Variants in PCSK5 observed in about 807,000 individuals in gnomAD.
PCSK5 encodes the protein prohormone convertase 5.
PCSK5 carries 129 observed loss-of-function variants against 233.2 expected under a neutral mutation model. That is an observed-to-expected ratio of 0.55 (90% confidence interval 0.48 to 0.64). The LOEUF (loss-of-function observed/expected upper bound fraction) is 0.64, where lower values mean the gene tolerates loss of function less well. Ranked by LOEUF, PCSK5 falls within the 30% of genes least tolerant of loss-of-function variation. The pLI, the probability that PCSK5 is intolerant of heterozygous loss-of-function variation, is 0.00. For missense variants in PCSK5, 2,076 were observed against 2,430.1 expected (o/e 0.85, Z 3.06); for synonymous variants, 825 against 879.2 (o/e 0.94, Z 1.09).
chr9:76,180,936 T>A (rs1283156697), intron 15 of PCSK5, among the ~76,000 whole-genome samples: 1 of 151,924 alleles, frequency 6.6e-6, no homozygotes, highest in Admixed American at 6.6e-5. Flanking sequence ...AACATAAATT[T>A]AAATATATTT....
At chr9:76,268,533 T>G (rs144838678) in intron 24 of PCSK5, among the ~76,000 whole-genome samples, 2 of 152,322 alleles carry the variant, frequency 1.3e-5, no homozygotes, top group East Asian at 3.9e-4. Context: ...AACTAGAAGA[T>G]ACAGTTTTAA....
rs181801516 is a variant in PCSK5, at chr9:76,249,407, A to C, written c.3142+8723A>C. On this transcript the variant is annotated intron_variant, in intron 24 of 37. Transcript: ENST00000674117. ...AAAGAAAATTCAATATTAGGGGAAA[A>C]GTGAAAATTAGGGAATTAAAAAAAT... Among the ~76,000 whole-genome samples the C allele has an allele frequency of 8.2e-3, 1,255 of 152,340 alleles. 49 individuals are homozygous for C. In the South Asian group the frequency reaches 0.12, roughly 15 times the overall value.
chr9:76,230,334 T>C (rs1417245469), intron 21 of PCSK5, among the ~76,000 whole-genome samples: 1 of 152,246 alleles, frequency 6.6e-6, no homozygotes, highest in Non-Finnish European at 1.5e-5. Context: ...GTTTAAAGCA[T>C]AATTATGTGA....
intron 7 of PCSK5, among the ~76,000 whole-genome samples, chr9:76,090,863 C>G (rs897652664): frequency 2.0e-5 from 3 of 152,114 alleles, no homozygotes; most frequent in African/African-American, 7.2e-5. Flanking sequence ...TGTTTTCCTG[C>G]AGCTAAATGG....
chr9:76,296,018 G>A (rs58014024), intron 26 of PCSK5, among the ~76,000 whole-genome samples: 3,158 of 152,324 alleles, frequency 0.021, 96 homozygotes, highest in African/African-American at 0.069. Context: ...CAAGGATTCT[G>A]TATTCGATGC....
chr9:76,226,969 T>A (rs984746005), intron 20 of PCSK5, among the ~76,000 whole-genome samples: 37 of 152,354 alleles, frequency 2.4e-4, no homozygotes, highest in African/African-American at 8.9e-4. Context: ...TCTTCACTAT[T>A]ACTCTTTCAG....
In PCSK5 at chr9:76,338,367, G is replaced by A. The variant is rs369873963; in HGVS notation, c.4886G>A (p.Arg1629His). ...CTCCGCTCCAAAGGAGAGTGTCATC[G>A]CTCCTGCCCAGACCATTACTATGTA... ...FLLRSKGECH[R>H]SCPDHYYVEQ... Residue 1629 changes from arginine (R) to histidine (H), a missense_variant, in exon 35 of 38, where the codon CGC (arginine) becomes CAC (histidine). Arg to His is a conservative substitution (Grantham distance 29). Around this residue, in one of 6 missense-constraint regions of PCSK5, gnomAD observed 1,510 missense variants for 1,538.1 expected, o/e 0.98. Coordinates refer to ENST00000674117, the MANE Select transcript of PCSK5 (RefSeq NM_001372043.1). 1.2e-5 allele frequency: 19 copies of A among 1,612,396 alleles called. No homozygotes were observed. Among genetic ancestry groups the A allele is most frequent in the South Asian group, 7.7e-5 (7 of 91,050 alleles).
intron 20 of PCSK5, among the ~76,000 whole-genome samples, chr9:76,222,928 C>G (rs73460354): frequency 1.3e-5 from 2 of 152,148 alleles, no homozygotes; most frequent in Non-Finnish European, 2.9e-5. Context: ...TACATGTTGG[C>G]ATCCTTGCAA....
At chr9:76,144,855 T>G (rs1030579886) in intron 10 of PCSK5, among the ~76,000 whole-genome samples, 4 of 151,810 alleles carry the variant, frequency 2.6e-5, no homozygotes, top group African/African-American at 9.7e-5. Context: ...TGGCCAGGAG[T>G]GGTGGCTTAT....
At chr9:76,219,911 G>A (rs897758153) in intron 20 of PCSK5, among the ~76,000 whole-genome samples, 3 of 152,088 alleles carry the variant, frequency 2.0e-5, no homozygotes, top group Non-Finnish European at 4.4e-5. Context: ...CTTAGATATC[G>A]CCTCACCGTG....
chr9:76,010,153 A>G (rs1827670803), intron 3 of PCSK5, among the ~76,000 whole-genome samples: 2 of 152,214 alleles, frequency 1.3e-5, no homozygotes, highest in African/African-American at 4.8e-5. Flanking sequence ...TCTTGAAATC[A>G]GGAGGCACTT....
chr9:76,010,856 C>T (rs909023542), intron 3 of PCSK5, among the ~76,000 whole-genome samples: 2 of 152,120 alleles, frequency 1.3e-5, no homozygotes, highest in Non-Finnish European at 2.9e-5. Context: ...ATTGTGTTAA[C>T]GTTATTCCTT....
At chr9:76,156,164 A>C (rs1339035976) in intron 10 of PCSK5, among the ~76,000 whole-genome samples, 1 of 152,236 alleles carries the variant, frequency 6.6e-6, no homozygotes, top group South Asian at 2.1e-4. Context: ...TATAAGAGAC[A>C]GTTCAATAAG....
At chr9:75,956,914 C>G (rs77540613) in intron 2 of PCSK5, among the ~76,000 whole-genome samples, 4 of 152,178 alleles carry the variant, frequency 2.6e-5, no homozygotes, top group Non-Finnish European at 5.9e-5. Context: ...AAGACCAATA[C>G]TAGCTTAAAG....
At position 75,890,737 on chromosome 9, in the gene PCSK5, T is replaced by G; in HGVS notation, c.-445T>G. The stretch of plus-strand genomic sequence containing the variant: ...AGCGCTGGGAGCGAGCAAGCGAGCG[T>G]TTGGAGCCCGGGCCAGCAGAGGGGG... On this transcript the variant is annotated 5_prime_UTR_variant, in exon 1 of 38. Transcript: ENST00000674117. The G allele has an allele frequency of 6.3e-6, 1 of 158,410 alleles. No homozygotes were observed. The highest frequency in any genetic ancestry group is 1.4e-5 in the Non-Finnish European group (1 of 72,068). 9.8% of individuals were successfully genotyped at this position (158,410 alleles called of 1,614,324 possible). A position where few individuals can be genotyped will look rare whatever the true frequency, so the allele number is the denominator to read the frequency against.
rs191675312 is a variant in PCSK5 at position 76,039,856 on chromosome 9, G to A, written c.632+12819G>A. 3.6e-3 allele frequency among the ~76,000 whole-genome samples: 551 copies of A among 152,306 alleles called. 8 individuals carry two copies. The highest frequency in any genetic ancestry group is 0.031 in the South Asian group (149 of 4,830). On this transcript the variant is annotated intron_variant, in intron 5 of 37. Coordinates refer to ENST00000674117, the MANE Select transcript of PCSK5 (RefSeq NM_001372043.1). ...CTATAAACTCAGTAAAGACTAAATA[G>A]AGTTCAGCAGGGTCATTATGTGTTT...
At chr9:75,942,609 G>A (rs1486364545) in intron 2 of PCSK5, among the ~76,000 whole-genome samples, 1 of 152,102 alleles carries the variant, frequency 6.6e-6, no homozygotes, top group Non-Finnish European at 1.5e-5. Flanking sequence ...GAAGGTGGAG[G>A]GCTTATTCTT....
At chr9:76,137,247 G>A (rs1459040086) in intron 10 of PCSK5, among the ~76,000 whole-genome samples, 6 of 152,090 alleles carry the variant, frequency 3.9e-5, no homozygotes, top group African/African-American at 1.4e-4. Flanking sequence ...GTTTCTCTGA[G>A]AGTGGGGTTA....
At chr9:75,915,595 A>G (rs1182015368) in intron 1 of PCSK5, among the ~76,000 whole-genome samples, 1 of 152,368 alleles carries the variant, frequency 6.6e-6, no homozygotes, top group Non-Finnish European at 1.5e-5. Context: ...TCACTAAATT[A>G]CCTGCGTGTA....
Sources: allele counts gnomAD v4.1 joint callset (sites outside exome capture counted in the v4.1 genomes callset), GRCh38; gene constraint gnomAD v4.1.1; regional missense constraint gnomAD v4.1.1; transcripts MANE v1.5; gene names NCBI Gene and HGNC (gene_info 2026-07-23, HGNC 2026-07-21).